RASGEF1B: variants seen among roughly 807,000 people sequenced by gnomAD.
The protein encoded by RASGEF1B is ras-GEF domain-containing family member 1B.
A neutral mutation model predicts 65.7 loss-of-function variants in RASGEF1B; 30 were observed. The ratio of observed to expected loss-of-function variants is 0.46; its 90% CI spans 0.34 to 0.62. The LOEUF (loss-of-function observed/expected upper bound fraction) is 0.62, where lower values mean the gene tolerates loss of function less well. Ranked by LOEUF, RASGEF1B falls within the 20% of genes least tolerant of loss-of-function variation. The pLI, the probability that RASGEF1B is intolerant of heterozygous loss-of-function variation, is 0.01. For synonymous variants in RASGEF1B, 175 were observed against 194.8 expected (o/e 0.90, Z 0.85); for missense variants, 495 against 580.1 (o/e 0.85, Z 1.51).
intron 10 of RASGEF1B, among the ~76,000 whole-genome samples, chr4:81,439,669 A>G (rs553869198): frequency 1.5e-4 from 23 of 152,276 alleles, no homozygotes; most frequent in Non-Finnish European, 2.4e-4. Flanking sequence ...GTGTACTGCA[A>G]TCCTCCCACA....
chr4:81,453,932 A>T (rs1190044346), intron 4 of RASGEF1B: 1 of 152,236 alleles, frequency 6.6e-6, no homozygotes, highest in East Asian at 1.9e-4. Flanking sequence ...ACTGAATAGA[A>T]GCAGCTAAAG....
chr4:81,456,970 G>T (rs1220275041), intron 3 of RASGEF1B, among the ~76,000 whole-genome samples, 182 bp from the exon 4 acceptor site: 2 of 151,700 alleles, frequency 1.3e-5, no homozygotes. Flanking sequence ...CAGGACCTAG[G>T]GATTCTCCAT....
At chr4:81,456,858 A>G in intron 3 of RASGEF1B, 70 bp from the exon 4 acceptor site, 1 of 1,353,164 alleles carries the variant, frequency 7.4e-7, no homozygotes, top group Non-Finnish European at 1.0e-6. Context: ...AATAGTTACA[A>G]AGAGCGTCAC....
intron 12 of RASGEF1B, among the ~76,000 whole-genome samples, chr4:81,433,242 A>AG (rs1474437784): frequency 6.6e-6 from 1 of 151,834 alleles, no homozygotes; most frequent in Non-Finnish European, 1.5e-5. Flanking sequence ...AAAAAAAAAA[A>AG]AAGTCATTAT....
Position 81,430,073 on chromosome 4 carries a change from G to A in RASGEF1B, c.1397+2226C>T, listed in dbSNP as rs962878266. 7.2e-5 allele frequency among the ~76,000 whole-genome samples: 11 copies of A among 152,302 alleles called. 3 individuals are homozygous for A. The highest frequency in any genetic ancestry group is 2.1e-4 in the South Asian group (1 of 4,830). On this transcript the variant is annotated intron_variant, in intron 13 of 13. Transcript: ENST00000264400. ...TCCCAGCACTTTGAGAGGCTGAGGCGGGCGGATCACGAGGTCAGGAGATCG... is the reference window on the plus strand; with the variant it reads ...TCCCAGCACTTTGAGAGGCTGAGGCAGGCGGATCACGAGGTCAGGAGATCG...
At chr4:81,448,401 T>A in intron 4 of RASGEF1B, 117 bp from the exon 5 acceptor site, 1 of 840,518 alleles carries the variant, frequency 1.2e-6, no homozygotes, top group Non-Finnish European at 1.9e-6. Context: ...TAAACTTGGT[T>A]AAGGGCAGTT....
chr4:81,433,223 T>A (rs144505340), intron 12 of RASGEF1B, among the ~76,000 whole-genome samples: 2,811 of 147,002 alleles, frequency 0.019, 60 homozygotes, highest in African/African-American at 0.058. Context: ...AGTGAGTTGC[T>A]GTCTTAAAAA....
intron 12 of RASGEF1B, among the ~76,000 whole-genome samples, chr4:81,432,889 G>A (rs983478739): frequency 1.3e-5 from 2 of 151,802 alleles, no homozygotes; most frequent in African/African-American, 4.8e-5. Context: ...TCTTTATAGA[G>A]ATTAAAAACA....
intron 1 of RASGEF1B, among the ~76,000 whole-genome samples, chr4:81,463,715 A>G (rs908001622): frequency 6.6e-6 from 1 of 152,190 alleles, no homozygotes; most frequent in African/African-American, 2.4e-5. Context: ...ACCTAAGAAG[A>G]CAAACATAGT....
Position 81,445,596 on chromosome 4 carries a change from A to G in RASGEF1B, c.858T>C (p.Ile286=), listed in dbSNP as rs1471764364. The change falls in exon 8 of 14, where the codon ATT becomes ATC. Residue 286 remains isoleucine (I), a synonymous_variant. Transcript: ENST00000264400. The stretch of plus-strand genomic sequence containing the variant: ...CCCGAGCTACGTCAATGAAATACTC[A>G]ATCATTCTTGCTCGGTGTTTTTTCT... ...PVKKKHRARM[I]EYFIDVAREC... The G allele has an allele frequency of 6.2e-7, 1 of 1,613,344 alleles. No individual in the cohort carries two copies. Among genetic ancestry groups the G allele is most frequent in the South Asian group, 1.1e-5 (1 of 91,070 alleles).
At chr4:81,446,072 G>C (rs866063859) in intron 6 of RASGEF1B, among the ~76,000 whole-genome samples, 1 of 152,124 alleles carries the variant, frequency 6.6e-6, no homozygotes, top group South Asian at 2.1e-4. Flanking sequence ...GTACTCTGAT[G>C]CATTTATAAA....
intron 1 of RASGEF1B, among the ~76,000 whole-genome samples, chr4:81,460,607 A>T (rs1722608496): frequency 6.6e-6 from 1 of 151,930 alleles, no homozygotes; most frequent in Non-Finnish European, 1.5e-5. Flanking sequence ...CACATCCATC[A>T]CTCCTTGAGC....
At chr4:81,470,070 C>T (rs1722968962) in intron 1 of RASGEF1B, among the ~76,000 whole-genome samples, 1 of 152,068 alleles carries the variant, frequency 6.6e-6, no homozygotes, top group Non-Finnish European at 1.5e-5. Flanking sequence ...TGTTTGTAAA[C>T]CCTGATATCT....
chr4:81,442,042 A>C (rs1578619987), intron 9 of RASGEF1B, among the ~76,000 whole-genome samples: 1 of 152,184 alleles, frequency 6.6e-6, no homozygotes, highest in South Asian at 2.1e-4. Flanking sequence ...TCTGACATAT[A>C]AGGTGATGTG....
rs373675008 is a variant in RASGEF1B at position 81,434,668 on chromosome 4, G to A, written c.1171C>T (p.Arg391Cys). ...AAATTGACATGGCCATTGGGAAGGC[G>A]GTTGGCACAACCCTCATTGAGGAAA... ...IYFLNEGCAN[R>C]LPNGHVNFEK... Residue 391 changes from arginine to cysteine, a missense_variant, in exon 11 of 14, where the codon CGC becomes TGC. By Grantham distance (180) the Arg-to-Cys change is radical. Coordinates refer to ENST00000264400, the MANE Select transcript of RASGEF1B (RefSeq NM_152545.3). 4.0e-5 allele frequency: 65 copies of A among 1,605,244 alleles called. No homozygotes were observed. In the African/African-American group the frequency reaches 7.1e-4, roughly 18 times the overall value.
chr4:81,459,681 C>T (rs1446671526), intron 1 of RASGEF1B, among the ~76,000 whole-genome samples, 167 bp from the exon 2 acceptor site: 1 of 152,124 alleles, frequency 6.6e-6, no homozygotes, highest in Non-Finnish European at 1.5e-5. Context: ...CCAAATTGCT[C>T]TCTGAGTACG....
chr4:81,450,818 A>G (rs1007013757), intron 4 of RASGEF1B: 2 of 152,174 alleles, frequency 1.3e-5, no homozygotes, highest in Non-Finnish European at 2.9e-5. Flanking sequence ...AGCCCTGATC[A>G]TGCCACAGCA....
intron 1 of RASGEF1B, among the ~76,000 whole-genome samples, chr4:81,471,565 G>C (rs1193279106): frequency 6.6e-6 from 1 of 152,184 alleles, no homozygotes. Context: ...CTCGGCTCTT[G>C]GCGCCCGCGT....
intron 4 of RASGEF1B, chr4:81,454,403 G>A (rs1722373327): frequency 6.6e-6 from 1 of 152,166 alleles, no homozygotes; most frequent in African/African-American, 2.4e-5. Context: ...GACATATAAT[G>A]TTAAGTAGCT....
Sources: gnomAD v4.1 joint callset for allele counts (sites outside exome capture counted in the v4.1 genomes callset) on GRCh38, gnomAD v4.1.1 for gene constraint, MANE v1.5 for transcripts, NCBI Gene and HGNC (gene_info 2026-07-23, HGNC 2026-07-21) for gene names.